The following CADPS2 variants were observed in gnomAD, a reference collection of about 807,000 sequenced individuals.
The protein encoded by CADPS2 is calcium dependent secretion activator 2.
In CADPS2, 93 loss-of-function variants were observed where a neutral mutation model predicts 172.5. That is an observed-to-expected ratio of 0.54 (90% CI 0.46 to 0.64). The LOEUF (loss-of-function observed/expected upper bound fraction) is 0.64, where lower values mean the gene tolerates loss of function less well. Among genes scored for constraint, CADPS2 ranks in the 30% least tolerant of loss-of-function variants. The probability of loss-of-function intolerance (pLI) is 0.00; values close to 1 mark genes in which losing one functional copy is unlikely to be tolerated. For missense variants in CADPS2, 1,420 were observed against 1,565.9 expected, an observed-to-expected ratio of 0.91 and a Z score of 1.57; for synonymous variants, 546 against 555.2, an observed-to-expected ratio of 0.98 and a Z score of 0.23.
chr7:122,459,372 G>A (rs2054176424), intron 14 of CADPS2, among the ~76,000 whole-genome samples: 1 of 151,802 alleles, frequency 6.6e-6, no homozygotes, highest in African/African-American at 2.4e-5. Context: ...GTTTTCTTAA[G>A]AAAAATTCCC....
intron 20 of CADPS2, among the ~76,000 whole-genome samples, chr7:122,396,443 A>C (rs2045143859): frequency 6.6e-6 from 1 of 152,202 alleles, no homozygotes; most frequent in East Asian, 1.9e-4. Flanking sequence ...CCATCTTCTC[A>C]AAATCATAAG....
At chr7:122,547,211 G>T (rs909968041) in intron 8 of CADPS2, among the ~76,000 whole-genome samples, 6 of 151,896 alleles carry the variant, frequency 4.0e-5, no homozygotes, top group African/African-American at 1.5e-4. Context: ...TCAACCACAG[G>T]GATGGTCTAA....
chr7:122,736,819 A>G (rs1287068396), intron 2 of CADPS2, 136 bp downstream of exon 2: 1 of 581,826 alleles, frequency 1.7e-6, no homozygotes, highest in Non-Finnish European at 3.1e-6. Flanking sequence ...AGAACTGACA[A>G]TGCTTTCAAA....
At chr7:122,370,391 G>T (rs913425706) in intron 25 of CADPS2, among the ~76,000 whole-genome samples, 30 of 152,136 alleles carry the variant, frequency 2.0e-4, no homozygotes, top group Admixed American at 6.5e-5. Flanking sequence ...TTTAAAAAAT[G>T]AATATTGCCC....
rs138199185 is a variant in CADPS2, at chr7:122,428,080, T to C, written c.2476+10261A>G. ...TTGTTAATATTTTTTAGCTAGTGGA[T>C]TGATGGAGTGGAGCAGTGGTTCTCA... On this transcript the variant is annotated intron_variant, in intron 17 of 29. Transcript: ENST00000449022. Among the ~76,000 whole-genome samples, 363 of 152,288 alleles carry C rather than the reference T, an allele frequency of 2.4e-3. 2 individuals are homozygous for C. The highest frequency in any genetic ancestry group is 8.3e-3 in the African/African-American group (347 of 41,568).
chr7:122,770,489 A>C (rs566253480), intron 1 of CADPS2, among the ~76,000 whole-genome samples: 9 of 152,298 alleles, frequency 5.9e-5, no homozygotes, highest in African/African-American at 2.2e-4. Context: ...GTAACACAGT[A>C]TCTGCTGCAA....
At chr7:122,565,541 T>A (rs2066347911) in intron 7 of CADPS2, among the ~76,000 whole-genome samples, 1 of 152,146 alleles carries the variant, frequency 6.6e-6, no homozygotes, top group South Asian at 2.1e-4. Context: ...TTCAAAGTTT[T>A]CAGTTTGTCA....
At chr7:122,702,850 G>T in intron 2 of CADPS2, 1 of 844,842 alleles carries the variant, frequency 1.2e-6, no homozygotes, top group Non-Finnish European at 1.8e-6. Flanking sequence ...GATTACTAAA[G>T]CACATAAATG....
chr7:122,403,732 T>C (rs1425314275), intron 20 of CADPS2, among the ~76,000 whole-genome samples: 1 of 152,182 alleles, frequency 6.6e-6, no homozygotes, highest in Admixed American at 6.5e-5. Context: ...TTCATTGGAA[T>C]TAATGATATT....
At position 122,775,973 on chromosome 7, in the gene CADPS2, A is replaced by AC; in HGVS notation, c.340-38906_340-38905insG. Among the ~76,000 whole-genome samples the AC allele has an allele frequency of 3.4e-5, 4 of 116,480 alleles. No homozygotes were observed. The Middle Eastern group carries it at 0.017, about 481-fold the overall frequency. The allele number at this position is 116,480 out of a possible 152,430, so 76.4% of individuals were successfully genotyped here. Reference sequence around the variant, plus strand: ...GGTACAGTATTTATTCAAGTTCAAAAATTTTTTTCTAGAGAAGTTAGATGG... The same window carrying AC: ...GGTACAGTATTTATTCAAGTTCAAAACATTTTTTTCTAGAGAAGTTAGATGG... On this transcript the variant is annotated intron_variant, in intron 1 of 29. Coordinates refer to ENST00000449022, the MANE Select transcript of CADPS2 (RefSeq NM_017954.11).
At chr7:122,431,587 G>A (rs1302537222) in intron 17 of CADPS2, among the ~76,000 whole-genome samples, 8 of 152,158 alleles carry the variant, frequency 5.3e-5, no homozygotes, top group Non-Finnish European at 2.9e-5. Context: ...TCAACAGACA[G>A]ACAGTGGGCT....
chr7:122,477,127 C>T (rs1207570556), intron 12 of CADPS2, among the ~76,000 whole-genome samples: 2 of 151,218 alleles, frequency 1.3e-5, no homozygotes, highest in Admixed American at 6.6e-5. Flanking sequence ...AATAAAACTT[C>T]ATTTTCAAGA....
intron 1 of CADPS2, among the ~76,000 whole-genome samples, chr7:122,792,221 G>A (rs1186901713): frequency 6.6e-6 from 1 of 152,156 alleles, no homozygotes; most frequent in Non-Finnish European, 1.5e-5. Context: ...GAATGTTTGT[G>A]TCCTCCCCCA....
intron 3 of CADPS2, 79 bp from the exon 4 acceptor site, chr7:122,629,407 A>G (rs2076369908): frequency 3.2e-6 from 3 of 935,218 alleles, no homozygotes; most frequent in Non-Finnish European, 4.6e-6. Context: ...GCAGTCCCAC[A>G]GACTAAGGCA....
At position 122,345,555 on chromosome 7, in the gene CADPS2, T is replaced by A. The variant is rs1379351780; in HGVS notation, c.3612+19A>T. On this transcript the variant is annotated intron_variant, in intron 28 of 29. Transcript: ENST00000449022. ...GTTTATCTATGGTGTCAGCATACCT[T>A]GCAAGGGAAGCTACTTACATCAAAT... The A allele has an allele frequency of 2.4e-5, 35 of 1,439,272 alleles. No homozygotes were observed. Among genetic ancestry groups the A allele is most frequent in the Non-Finnish European group, 3.3e-5 (34 of 1,024,514 alleles). 89.2% of individuals were successfully genotyped at this position (1,439,272 alleles called of 1,614,324 possible).
In CADPS2 at chr7:122,338,181, G is replaced by A. The variant is rs565820139; in HGVS notation, c.3612+7393C>T. 5.3e-5 allele frequency among the ~76,000 whole-genome samples: 8 copies of A among 152,278 alleles called. No individual in the cohort carries two copies. In the Middle Eastern group the frequency reaches 0.01, roughly 194 times the overall value. Reference sequence around the variant, plus strand: ...AGAGGCTGAAGTGGGCAGATTGCCCGAGCTCAGGAGCTCGAGACCACCCTG... The same window carrying A: ...AGAGGCTGAAGTGGGCAGATTGCCCAAGCTCAGGAGCTCGAGACCACCCTG... On this transcript the variant is annotated intron_variant, in intron 28 of 29. Transcript: ENST00000449022.
intron 14 of CADPS2, among the ~76,000 whole-genome samples, chr7:122,461,982 A>G (rs1046575837): frequency 6.6e-6 from 1 of 152,204 alleles, no homozygotes; most frequent in African/African-American, 2.4e-5. Flanking sequence ...TCAACCTAGC[A>G]CTGTACACCT....
intron 17 of CADPS2, among the ~76,000 whole-genome samples, chr7:122,419,182 A>C (rs1363693202): frequency 6.6e-6 from 1 of 152,214 alleles, no homozygotes; most frequent in African/African-American, 2.4e-5. Flanking sequence ...AATGCAGCAG[A>C]ATAATTATGG....
intron 3 of CADPS2, among the ~76,000 whole-genome samples, chr7:122,644,069 C>T (rs1276045757): frequency 2.0e-5 from 3 of 150,238 alleles, no homozygotes; most frequent in Non-Finnish European, 3.0e-5. Flanking sequence ...GACTCTGTCT[C>T]GAAAGAAAAG....
Sources: gnomAD v4.1 joint callset for allele counts (sites outside exome capture counted in the v4.1 genomes callset) on GRCh38, gnomAD v4.1.1 for gene constraint, MANE v1.5 for transcripts, NCBI Gene and HGNC (gene_info 2026-07-23, HGNC 2026-07-21) for gene names.